Variants in SESN3 observed in about 807,000 individuals in gnomAD.
SESN3 encodes sestrin 3, also known as sestrin-3.
SESN3 carries 21 observed loss-of-function variants against 55.3 expected under a neutral mutation model. The ratio of observed to expected loss-of-function variants is 0.38; its 90% confidence interval spans 0.27 to 0.55. The LOEUF (loss-of-function observed/expected upper bound fraction) is 0.55, where lower values mean the gene tolerates loss of function less well. Among genes scored for constraint, SESN3 ranks in the 20% least tolerant of loss-of-function variants. The probability of loss-of-function intolerance (pLI) is 0.76; values close to 1 mark genes in which losing one functional copy is unlikely to be tolerated. For synonymous variants in SESN3, 181 were observed against 203.1 expected, an observed-to-expected ratio of 0.89 and a Z score of 0.93; for missense variants, 408 against 604.3, an observed-to-expected ratio of 0.68 and a Z score of 3.41.
intron 9 of SESN3, among the ~76,000 whole-genome samples, chr11:95,174,886 C>T (rs963034416): frequency 1.3e-5 from 2 of 151,972 alleles, no homozygotes; most frequent in African/African-American, 4.8e-5. Context: ...AAAAGTTTAT[C>T]GTAAGCCTTA....
chr11:95,222,546 A>T lies in SESN3; in HGVS notation c.78+8237T>A, dbSNP rs150648044. ...AATATACTACTGATATTTTTAAAAT[A>T]AATGTCTTTAAATCAAAATCCTATT... On this transcript the variant is annotated intron_variant, in intron 1 of 9. Transcript: ENST00000536441. Among the ~76,000 whole-genome samples the T allele has an allele frequency of 5.3e-5, 8 of 152,346 alleles. 1 individual carries two copies. The East Asian group carries it at 1.5e-3, about 29-fold the overall frequency.
chr11:95,182,424 T>C (rs568045209), intron 6 of SESN3, among the ~76,000 whole-genome samples: 1 of 152,270 alleles, frequency 6.6e-6, no homozygotes, highest in Non-Finnish European at 1.5e-5. Flanking sequence ...CTTCTAAAAT[T>C]TTGCCTTGAC....
intron 1 of SESN3, among the ~76,000 whole-genome samples, chr11:95,228,545 G>A (rs1308920996): frequency 2.0e-5 from 3 of 152,118 alleles, no homozygotes; most frequent in South Asian, 2.1e-4. Context: ...AGAAAAACAT[G>A]TCTTTATTAG....
intron 4 of SESN3, among the ~76,000 whole-genome samples, chr11:95,188,704 C>T (rs532394247): frequency 4.6e-5 from 7 of 151,984 alleles, no homozygotes; most frequent in Admixed American, 4.6e-4. Context: ...AGAAAATAAA[C>T]TTTCTGGTCC....
chr11:95,220,394 T>A (rs913967779), intron 1 of SESN3, among the ~76,000 whole-genome samples: 1 of 152,034 alleles, frequency 6.6e-6, no homozygotes, highest in Non-Finnish European at 1.5e-5. Context: ...TTGAACTAAT[T>A]AATGACTGGT....
In SESN3 at chr11:95,184,467, C is replaced by T. The variant is rs1308290530; in HGVS notation, c.890G>A (p.Ser297Asn). ...AGTATCTCCAGAGACCACAAAAAGA[C>T]TTTCTTTCTTCTCCTTTTCAAAACG... ...STRFEKEKKE[S>N]LFVVSGDTFH... The change falls in exon 6 of 10, where the codon AGT becomes AAT. Residue 297 changes from serine to asparagine, a missense_variant. Around this residue, in one of 4 missense-constraint regions of SESN3, gnomAD observed 119 missense variants for 139.9 expected, o/e 0.85. Transcript: ENST00000536441. 1 of 1,613,498 alleles carries T rather than the reference C, an allele frequency of 6.2e-7. No homozygotes were observed. The highest frequency in any genetic ancestry group is 1.7e-5 in the Admixed American group (1 of 59,890).
intron 1 of SESN3, among the ~76,000 whole-genome samples, chr11:95,197,445 C>CT (rs5793719): frequency 0.018 from 2,413 of 136,308 alleles, 40 homozygotes; most frequent in African/African-American, 0.036. Flanking sequence ...CTTTTCTTTT[C>CT]TTTTTTTTTT....
chr11:95,183,720 T>G (rs1260324477), intron 6 of SESN3, among the ~76,000 whole-genome samples: 1 of 151,968 alleles, frequency 6.6e-6, no homozygotes, highest in Non-Finnish European at 1.5e-5. Context: ...CATAGATTAC[T>G]TTTAAAGAGT....
At position 95,231,116 on chromosome 11, in the gene SESN3, A is replaced by G; in HGVS notation, c.-256T>C. ...CCGGCCCGTTGTTCCACCCGCCCCC[A>G]TCTTCCAGACCCCCGCCCCCGCCAG... is the stretch of plus-strand genomic sequence containing the variant. On this transcript the variant is annotated 5_prime_UTR_variant, in exon 1 of 10. The change abolishes an upstream ATG in the 5' untranslated region. Coordinates refer to ENST00000536441, the MANE Select transcript of SESN3 (RefSeq NM_144665.4). 5.1e-6 allele frequency: 1 copy of G among 195,436 alleles called. No individual in the cohort carries two copies. Among genetic ancestry groups the G allele is most frequent in the Non-Finnish European group, 8.7e-6 (1 of 114,728 alleles). 12.1% of individuals were successfully genotyped at this position (195,436 alleles called of 1,614,324 possible). A position where few individuals can be genotyped will look rare whatever the true frequency, so the allele number is the denominator to read the frequency against.
chr11:95,215,840 T>TCTA (rs1238946541), intron 1 of SESN3, among the ~76,000 whole-genome samples: 1 of 152,180 alleles, frequency 6.6e-6, no homozygotes, highest in East Asian at 1.9e-4. Flanking sequence ...GGCTCACGCC[T>TCTA]GTAGTCCCAG....
rs924114512 is a variant in SESN3, at chr11:95,191,296, A to G, written c.342+108T>C. The stretch of plus-strand genomic sequence containing the variant: ...ATAGGCTTCTTCAGTTCTTATGTCC[A>G]TAAATTATACTTAGCTCTATACACA... On this transcript the variant is annotated intron_variant, in intron 3 of 9. Transcript: ENST00000536441. 1.5e-5 allele frequency: 13 copies of G among 854,676 alleles called. No homozygotes were observed. In the African/African-American group the frequency reaches 1.9e-4, roughly 12 times the overall value. 52.9% of individuals were successfully genotyped at this position (854,676 alleles called of 1,614,324 possible).
intron 1 of SESN3, among the ~76,000 whole-genome samples, chr11:95,227,099 A>G (rs1332165614): frequency 1.3e-5 from 2 of 152,162 alleles, no homozygotes; most frequent in Non-Finnish European, 2.9e-5. Context: ...AATACATTTT[A>G]TTGGCTAAAC....
chr11:95,210,017 CAAA>C (rs71036380), intron 1 of SESN3, among the ~76,000 whole-genome samples: 2 of 60,202 alleles, frequency 3.3e-5, no homozygotes, highest in Non-Finnish European at 3.0e-5. Context: ...AACTCCATCT[CAAA>C]AAAAAAAAAA....
intron 4 of SESN3, among the ~76,000 whole-genome samples, chr11:95,188,469 A>T (rs1860207254): frequency 6.6e-6 from 1 of 151,804 alleles, no homozygotes; most frequent in South Asian, 2.1e-4. Flanking sequence ...CTGAGAATAA[A>T]ATACAAATTA....
At chr11:95,225,218 A>C (rs1860927231) in intron 1 of SESN3, among the ~76,000 whole-genome samples, 1 of 152,170 alleles carries the variant, frequency 6.6e-6, no homozygotes, top group African/African-American at 2.4e-5. Flanking sequence ...GAAGGCAAAT[A>C]AAGTCTTTGT....
intron 1 of SESN3, among the ~76,000 whole-genome samples, chr11:95,205,386 T>C (rs191584121): frequency 6.2e-4 from 94 of 152,208 alleles, no homozygotes; most frequent in African/African-American, 2.2e-3. Context: ...CTATATTATG[T>C]AGGAAAGAGA....
At chr11:95,181,501 A>C (rs1409241298) in intron 6 of SESN3, among the ~76,000 whole-genome samples, 1 of 152,122 alleles carries the variant, frequency 6.6e-6, no homozygotes, top group Non-Finnish European at 1.5e-5. Context: ...CAAATATTTC[A>C]AAGTCTGTAC....
chr11:95,175,444 C>T, intron 9 of SESN3, 54 bp downstream of exon 9: 2 of 1,433,594 alleles, frequency 1.4e-6, no homozygotes, highest in Non-Finnish European at 1.9e-6. Flanking sequence ...ATAACTATTA[C>T]TTCTTGTACT....
At chr11:95,217,651 TA>T (rs66946901) in intron 1 of SESN3, among the ~76,000 whole-genome samples, 38,751 of 137,692 alleles carry the variant, frequency 0.28, 5,460 homozygotes, top group Admixed American at 0.33. Context: ...AGACTCCGTT[TA>T]AAAAAAAAAA....
Sources: allele counts gnomAD v4.1 joint callset (sites outside exome capture counted in the v4.1 genomes callset), GRCh38; gene constraint gnomAD v4.1.1; regional missense constraint gnomAD v4.1.1; transcripts MANE v1.5; gene names NCBI Gene and HGNC (gene_info 2026-07-23, HGNC 2026-07-21).